Variants in CDH12 observed in about 807,000 individuals in gnomAD.
The protein encoded by CDH12 is cadherin 12, also known as cadherin-12.
A neutral mutation model predicts 74.1 loss-of-function variants in CDH12; 41 were observed. That is an observed-to-expected ratio of 0.55 (90% CI 0.43 to 0.72). The LOEUF (loss-of-function observed/expected upper bound fraction) is 0.72. Ranked by LOEUF, CDH12 falls within the 30% of genes least tolerant of loss-of-function variation. The pLI, the probability that CDH12 is intolerant of heterozygous loss-of-function variation, is 0.00. For missense variants in CDH12, 945 were observed against 977.2 expected, an observed-to-expected ratio of 0.97 and a Z score of 0.44; for synonymous variants, 399 against 355.0, an observed-to-expected ratio of 1.12 and a Z score of -1.39.
chr5:22,516,884 T>C (rs1736832695), intron 1 of CDH12, among the ~76,000 whole-genome samples: 2 of 151,640 alleles, frequency 1.3e-5, no homozygotes, highest in Admixed American at 6.6e-5. Flanking sequence ...AATACAGAAA[T>C]GAAAAGAAAC....
At chr5:22,146,110 C>T (rs1246689969) in intron 4 of CDH12, among the ~76,000 whole-genome samples, 1 of 152,012 alleles carries the variant, frequency 6.6e-6, no homozygotes, top group Non-Finnish European at 1.5e-5. Flanking sequence ...ATTTTTAACT[C>T]CGAAATTCTA....
chr5:22,629,295 C>T (rs1055708530), intron 1 of CDH12, among the ~76,000 whole-genome samples: 29 of 151,804 alleles, frequency 1.9e-4, no homozygotes, highest in African/African-American at 6.7e-4. Context: ...GAGACACACA[C>T]GCATAAACAC....
At chr5:22,044,710 A>G (rs1739811350) in intron 5 of CDH12, among the ~76,000 whole-genome samples, 1 of 152,240 alleles carries the variant, frequency 6.6e-6, no homozygotes, top group Admixed American at 6.5e-5. Context: ...CACATTGCAG[A>G]AAAGGCAGTG....
chr5:22,549,042 G>T (rs551470771), intron 1 of CDH12, among the ~76,000 whole-genome samples: 1 of 152,044 alleles, frequency 6.6e-6, no homozygotes, highest in Non-Finnish European at 1.5e-5. Context: ...CGGCCTCAAG[G>T]GATCCTTCCA....
At chr5:22,442,784 G>T (rs1039843766) in intron 2 of CDH12, among the ~76,000 whole-genome samples, 10 of 152,178 alleles carry the variant, frequency 6.6e-5, no homozygotes, top group Admixed American at 2.6e-4. Context: ...ACTAAAAATA[G>T]TTGAGGGGAT....
rs923405610 is a variant in CDH12, at chr5:22,419,489, C to T, written c.-427-14138G>A. On this transcript the variant is annotated intron_variant, in intron 2 of 14. Transcript: ENST00000382254. ...TCCCTGCCAAGGTCATGATCTTGTT[C>T]CTATGGCTGCATAGTATTCCATGGT... is the stretch of plus-strand genomic sequence containing the variant. Among the ~76,000 whole-genome samples the T allele has an allele frequency of 1.4e-4, 22 of 151,958 alleles. 1 individual carries two copies. Among genetic ancestry groups the T allele is most frequent in the Admixed American group, 7.9e-4 (12 of 15,242 alleles).
chr5:22,644,937 A>C (rs955289990), intron 1 of CDH12, among the ~76,000 whole-genome samples: 1 of 152,058 alleles, frequency 6.6e-6, no homozygotes, highest in African/African-American at 2.4e-5. Context: ...ATCTGTTTAC[A>C]GCCTGATTTA....
At chr5:21,763,206 G>T (rs908546382) in intron 12 of CDH12, among the ~76,000 whole-genome samples, 1 of 152,176 alleles carries the variant, frequency 6.6e-6, no homozygotes, top group Non-Finnish European at 1.5e-5. Context: ...AAATGGAAGA[G>T]TAGAGCAGCA....
chr5:21,861,622 C>T (rs948395348), intron 6 of CDH12, among the ~76,000 whole-genome samples: 6 of 151,962 alleles, frequency 3.9e-5, no homozygotes, highest in African/African-American at 1.4e-4. Flanking sequence ...AACCAATTTC[C>T]TTTCAGCGGA....
chr5:22,138,422 T>C (rs1003545176), intron 4 of CDH12, among the ~76,000 whole-genome samples: 63 of 151,930 alleles, frequency 4.1e-4, no homozygotes, highest in Non-Finnish European at 7.5e-4. Context: ...ATCACTTAAA[T>C]GTCTTTTTCA....
At chr5:22,185,302 G>A (rs1296186140) in intron 4 of CDH12, among the ~76,000 whole-genome samples, 3 of 150,692 alleles carry the variant, frequency 2.0e-5, no homozygotes, top group African/African-American at 7.3e-5. Context: ...AGGTTCAAGT[G>A]ATTCTCCTGC....
At position 22,315,099 on chromosome 5, in the gene CDH12, C is replaced by T. The variant is rs1382704968; in HGVS notation, c.-333+90158G>A. ...CCTCAGTAGCCAGGACTACAGGCGC[C>T]TGCCACCGTGCCTGCCTGGCTTTTT... On this transcript the variant is annotated intron_variant, in intron 3 of 14. Transcript: ENST00000382254. Among the ~76,000 whole-genome samples the T allele has an allele frequency of 3.3e-4, 41 of 123,650 alleles. 2 individuals are homozygous for T. Among genetic ancestry groups the T allele is most frequent in the African/African-American group, 1.2e-3 (39 of 31,282 alleles). 81.1% of individuals were successfully genotyped at this position (123,650 alleles called of 152,430 possible).
chr5:22,569,675 T>C (rs1561496915), intron 1 of CDH12, among the ~76,000 whole-genome samples: 1 of 152,190 alleles, frequency 6.6e-6, no homozygotes, highest in Non-Finnish European at 1.5e-5. Context: ...TATTAGATTA[T>C]CCATTAAGAA....
rs369298369 is a variant in CDH12 at position 22,091,855 on chromosome 5, C to T, written c.-186-12993G>A. 1.5e-4 allele frequency among the ~76,000 whole-genome samples: 23 copies of T among 151,944 alleles called. No homozygotes were observed. The East Asian group carries it at 4.2e-3, about 28-fold the overall frequency. ...ACAATGTGGTACTGGCATAAGTATA[C>T]ACCCAGAAGCCATAGAAAGGAATAG... is the stretch of plus-strand genomic sequence containing the variant. On this transcript the variant is annotated intron_variant, in intron 4 of 14. Transcript: ENST00000382254.
At chr5:21,888,446 G>A (rs1450485191) in intron 6 of CDH12, among the ~76,000 whole-genome samples, 9 of 152,042 alleles carry the variant, frequency 5.9e-5, no homozygotes, top group African/African-American at 9.7e-5. Context: ...AATTTGCAAC[G>A]TTTCCTCACT....
chr5:22,595,655 T>C (rs1736567250), intron 1 of CDH12, among the ~76,000 whole-genome samples: 1 of 152,014 alleles, frequency 6.6e-6, no homozygotes, highest in Non-Finnish European at 1.5e-5. Flanking sequence ...ATACAAGAGG[T>C]TGGTTGGTTG....
chr5:22,125,113 T>G (rs1275853397), intron 4 of CDH12, among the ~76,000 whole-genome samples: 1 of 152,138 alleles, frequency 6.6e-6, no homozygotes, highest in African/African-American at 2.4e-5. Context: ...TTTTTTTAAC[T>G]TTAAATTCTG....
intron 9 of CDH12, among the ~76,000 whole-genome samples, chr5:21,808,312 G>A (rs144890519): frequency 4.9e-4 from 75 of 152,102 alleles, no homozygotes; most frequent in African/African-American, 1.7e-3. Context: ...CACTGTAGCC[G>A]TGGTTTTGTC....
intron 2 of CDH12, among the ~76,000 whole-genome samples, chr5:22,458,061 G>T (rs191762142): frequency 1.4e-3 from 215 of 152,074 alleles, no homozygotes; most frequent in African/African-American, 4.9e-3. Flanking sequence ...TGTATTTTTA[G>T]TAGAGATGGG....
Sources: allele counts gnomAD v4.1 joint callset (sites outside exome capture counted in the v4.1 genomes callset), GRCh38; gene constraint gnomAD v4.1.1; transcripts MANE v1.5; gene names NCBI Gene and HGNC (gene_info 2026-07-23, HGNC 2026-07-21).